The following SYNPO2 variants were observed in gnomAD, a reference collection of about 807,000 sequenced individuals.
SYNPO2 encodes synaptopodin-2.
A neutral mutation model predicts 85.0 loss-of-function variants in SYNPO2; 56 were observed. The observed-to-expected ratio is 0.66, with a 90% CI of 0.53 to 0.82. The LOEUF is 0.82. SYNPO2 is among the 40% of genes least tolerant of loss of function. The pLI is 0.00. For missense variants in SYNPO2, 1,575 were observed against 1,534.2 expected, an observed-to-expected ratio of 1.03 and a Z score of -0.44; for synonymous variants, 602 against 591.1, an observed-to-expected ratio of 1.02 and a Z score of -0.27.
At chr4:118,868,201 A>G (rs1731736140) in intron 1 of SYNPO2, among the ~76,000 whole-genome samples, 2 of 152,194 alleles carry the variant, frequency 1.3e-5, no homozygotes, top group African/African-American at 4.8e-5. Context: ...CAAAACTGTA[A>G]CACACCTGGT....
Position 119,030,522 on chromosome 4 carries a change from G to A in SYNPO2, c.1747G>A (p.Val583Ile), listed in dbSNP as rs1229820646. Residue 583 changes from valine to isoleucine, a missense_variant, in exon 4 of 5, where the codon GTC (valine) becomes ATC (isoleucine). This residue lies in a region of SYNPO2 where 1,508 missense variants were observed against 1,446.8 expected (regional missense o/e 1.04). Coordinates refer to ENST00000307142, the MANE Select transcript of SYNPO2 (RefSeq NM_133477.3). The part of the protein sequence containing the change: ...TSETANIQRM[V>I]PMNRTAKPFP... ...TGAGACAGCAAACATCCAGAGGATG[G>A]TCCCCATGAATAGAACGGCCAAACC... 2.5e-6 allele frequency: 4 copies of A among 1,613,960 alleles called. No individual in the cohort carries two copies. Among genetic ancestry groups the A allele is most frequent in the African/African-American group, 2.7e-5 (2 of 74,908 alleles).
At chr4:118,861,719 A>G (rs1029243295) in intron 1 of SYNPO2, among the ~76,000 whole-genome samples, 4 of 152,124 alleles carry the variant, frequency 2.6e-5, no homozygotes, top group African/African-American at 9.7e-5. Flanking sequence ...TTTTGTGCCA[A>G]TACCATGTAG....
At chr4:118,988,794 G>A (rs1406780933) in intron 1 of SYNPO2, among the ~76,000 whole-genome samples, 1 of 152,094 alleles carries the variant, frequency 6.6e-6, no homozygotes, top group African/African-American at 2.4e-5. Context: ...CACAGTGCCG[G>A]CATCTCTGCG....
chr4:118,975,647 CACAA>C (rs1192061330), intron 1 of SYNPO2, among the ~76,000 whole-genome samples: 302 of 152,278 alleles, frequency 2.0e-3, no homozygotes, highest in African/African-American at 7.0e-3. Flanking sequence ...ACAATTAAGT[CACAA>C]AGAGTAAGAC....
At chr4:118,969,224 G>A (rs1479759436) in intron 1 of SYNPO2, among the ~76,000 whole-genome samples, 1 of 152,172 alleles carries the variant, frequency 6.6e-6, no homozygotes, top group Non-Finnish European at 1.5e-5. Flanking sequence ...TTACAAGGTA[G>A]TGTTACTCCC....
At chr4:118,952,197 T>C (rs1734724955) in intron 1 of SYNPO2, among the ~76,000 whole-genome samples, 2 of 152,242 alleles carry the variant, frequency 1.3e-5, no homozygotes, top group South Asian at 4.1e-4. Flanking sequence ...GAAGATCAAT[T>C]ACAGACGATG....
At chr4:118,927,754 G>T (rs113702247) in intron 1 of SYNPO2, among the ~76,000 whole-genome samples, 9,399 of 130,990 alleles carry the variant, frequency 0.072, 476 homozygotes, top group African/African-American at 0.1. Context: ...ATAGATGATA[G>T]ATAGATATAT....
intron 1 of SYNPO2, among the ~76,000 whole-genome samples, chr4:118,890,218 C>T (rs1005059456): frequency 2.7e-5 from 4 of 150,220 alleles, no homozygotes; most frequent in African/African-American, 9.8e-5. Context: ...TTTGAAACTC[C>T]TTTTTGCTTC....
At chr4:119,035,148 A>T in intron 4 of SYNPO2, 1 of 985,474 alleles carries the variant, frequency 1.0e-6, no homozygotes, top group Non-Finnish European at 1.2e-6. Flanking sequence ...ATATAAATGA[A>T]AAAGGTCATT....
At chr4:119,015,461 A>G (rs1434706233) in intron 1 of SYNPO2, among the ~76,000 whole-genome samples, 4 of 152,100 alleles carry the variant, frequency 2.6e-5, no homozygotes, top group African/African-American at 9.7e-5. Context: ...AAAACAGGGC[A>G]CTCAGACAGG....
rs573827918 is a variant in SYNPO2, at chr4:118,916,295, C to T, written c.105+27154C>T. Among the ~76,000 whole-genome samples, 5 of 151,844 alleles carry T rather than the reference C, an allele frequency of 3.3e-5. No homozygotes were observed. In the South Asian group the frequency reaches 1.0e-3, roughly 32 times the overall value. On this transcript the variant is annotated intron_variant, in intron 1 of 4. Transcript: ENST00000307142. ...TCAAGTGATCCTCTCACCTCAGTCT[C>T]CTGAGTAGCTGGGAATAAAGGCACG...
At chr4:119,006,125 A>C (rs1014804382) in intron 1 of SYNPO2, 5 of 153,332 alleles carry the variant, frequency 3.3e-5, no homozygotes, top group African/African-American at 9.7e-5. Flanking sequence ...ATACAAAACA[A>C]CTACTTACAG....
chr4:118,931,782 T>A (rs2149133420), intron 1 of SYNPO2, among the ~76,000 whole-genome samples: 1 of 152,314 alleles, frequency 6.6e-6, no homozygotes, highest in South Asian at 2.1e-4. Flanking sequence ...GCTCTTTGGT[T>A]GGGATTGCCA....
At chr4:118,951,993 T>C (rs977445673) in intron 1 of SYNPO2, among the ~76,000 whole-genome samples, 4 of 152,130 alleles carry the variant, frequency 2.6e-5, no homozygotes, top group Admixed American at 2.6e-4. Context: ...TAAGGAGTCT[T>C]AAAAGGGACT....
chr4:119,035,020 G>A lies in SYNPO2; in HGVS notation c.3252+2993G>A, dbSNP rs189209939. ...CATAATTTCTAGGCAGAGCATCCAC[G>A]AAGTCGGTTTTCATTGCCAGCTCAA... On this transcript the variant is annotated intron_variant, in intron 4 of 4. Transcript: ENST00000307142. The A allele has an allele frequency of 6.6e-4, 654 of 985,452 alleles. 3 individuals are homozygous for A. The African/African-American group carries it at 0.01, about 16-fold the overall frequency. 61.0% of individuals were successfully genotyped at this position (985,452 alleles called of 1,614,324 possible).
At chr4:118,979,570 CTT>C (rs1323621280) in intron 1 of SYNPO2, among the ~76,000 whole-genome samples, 2 of 152,184 alleles carry the variant, frequency 1.3e-5, no homozygotes, top group Non-Finnish European at 2.9e-5. Flanking sequence ...CCTGGCCTAA[CTT>C]TGTATTTCCG....
rs369864760 is a variant in SYNPO2 at position 119,051,186 on chromosome 4, A to ATTTTTT, written c.3253-6199_3253-6194dup. Among the ~76,000 whole-genome samples, 37 of 100,682 alleles carry ATTTTTT rather than the reference A, an allele frequency of 3.7e-4. 7 individuals carry two copies. The highest frequency in any genetic ancestry group is 6.4e-4 in the East Asian group (2 of 3,126). The allele number at this position is 100,682 out of a possible 152,430, so 66.1% of individuals were successfully genotyped here. A position where few individuals can be genotyped will look rare whatever the true frequency, so the allele number is the denominator to read the frequency against. On this transcript the variant is annotated intron_variant, in intron 4 of 4. Transcript: ENST00000307142. The stretch of plus-strand genomic sequence containing the variant: ...CACTGGGGTAAAGCCATGGGAAGCA[A>ATTTTTT]TTTTTTTTTTTTTTTTTTTTTGAGA...
chr4:119,009,737 C>T lies in SYNPO2; in HGVS notation c.106-13693C>T, dbSNP rs552383647. ...AGCAGGGTTCTGTACTTTGAAAGTCCTCCCTAAGAAAGCCTGATATTCGCC... is the reference window on the plus strand; with the variant it reads ...AGCAGGGTTCTGTACTTTGAAAGTCTTCCCTAAGAAAGCCTGATATTCGCC... On this transcript the variant is annotated intron_variant, in intron 1 of 4. Transcript: ENST00000307142. 2.0e-5 allele frequency among the ~76,000 whole-genome samples: 3 copies of T among 152,278 alleles called. No homozygotes were observed. The South Asian group carries it at 6.2e-4, about 32-fold the overall frequency.
At chr4:118,879,054 T>G (rs1472422746) in intron 1 of SYNPO2, among the ~76,000 whole-genome samples, 3 of 152,034 alleles carry the variant, frequency 2.0e-5, no homozygotes, top group Non-Finnish European at 1.5e-5. Flanking sequence ...GGCACCACCT[T>G]TAAGAGCTGT....
Sources: allele counts gnomAD v4.1 joint callset (sites outside exome capture counted in the v4.1 genomes callset), GRCh38; gene constraint gnomAD v4.1.1; regional missense constraint gnomAD v4.1.1; transcripts MANE v1.5; gene names NCBI Gene and HGNC (gene_info 2026-07-23, HGNC 2026-07-21).